Variants in TSEN2 observed in about 807,000 individuals in gnomAD.
TSEN2 encodes the protein tRNA-splicing endonuclease subunit Sen2.
In TSEN2, 54 loss-of-function variants were observed where a neutral mutation model predicts 59.2. The observed-to-expected ratio is 0.91, with a 90% CI of 0.73 to 1.14. The LOEUF (loss-of-function observed/expected upper bound fraction) is 1.14, where lower values mean the gene tolerates loss of function less well. Among genes scored for constraint, TSEN2 ranks in the 50% most tolerant of loss-of-function variants. TSEN2 has a pLI of 0.00. For synonymous variants in TSEN2, 195 were observed against 198.2 expected (o/e 0.98, Z 0.14); for missense variants, 636 against 576.2 (o/e 1.10, Z -1.06).
chr3:12,487,283 TG>T (rs1464961601), intron 1 of TSEN2, among the ~76,000 whole-genome samples: 2 of 152,234 alleles, frequency 1.3e-5, no homozygotes, highest in African/African-American at 4.8e-5. Context: ...ACTTGGATTA[TG>T]AGGGGTGTTT....
chr3:12,507,300 A>G (rs537337695), intron 6 of TSEN2, among the ~76,000 whole-genome samples: 1 of 152,352 alleles, frequency 6.6e-6, no homozygotes, highest in South Asian at 2.1e-4. Flanking sequence ...ACTGTATTGA[A>G]CAGCAGATGC....
At chr3:12,491,960 A>G (rs985161799) in intron 2 of TSEN2, among the ~76,000 whole-genome samples, 176 bp from the exon 3 acceptor site, 3 of 152,232 alleles carry the variant, frequency 2.0e-5, no homozygotes, top group African/African-American at 7.2e-5. Context: ...TACGTAGACT[A>G]TATATAAATA....
At chr3:12,502,849 G>A (rs532822579) in intron 4 of TSEN2, among the ~76,000 whole-genome samples, 16 of 152,020 alleles carry the variant, frequency 1.1e-4, no homozygotes, top group African/African-American at 2.7e-4. Context: ...CAAGGCGGGC[G>A]GATCGTGAGG....
Position 12,529,766 on chromosome 3 carries a change from T to C in TSEN2, c.1141T>C (p.Ser381Pro). ...TGCTTTTTCTGTATTTTCCAGTTAT[T>C]CTGTCATTATCGAGCTAGTTGATGA... ...KGPPFYHASY[S>P]VIIELVDDHF... Residue 381 changes from serine to proline, a missense_variant, in exon 10 of 12, where the codon TCT becomes CCT. Transcript: ENST00000284995. The C allele has an allele frequency of 1.2e-6, 2 of 1,613,910 alleles. No individual in the cohort carries two copies. Among genetic ancestry groups the C allele is most frequent in the Non-Finnish European group, 1.7e-6 (2 of 1,179,798 alleles).
At chr3:12,499,358 C>T (rs981473408) in intron 4 of TSEN2, among the ~76,000 whole-genome samples, 2 of 152,078 alleles carry the variant, frequency 1.3e-5, no homozygotes, top group East Asian at 1.9e-4. Context: ...GACCCAAGAG[C>T]GAGGAAAAGA....
At chr3:12,529,057 T>TA in intron 9 of TSEN2, 133 bp downstream of exon 9, 1 of 859,300 alleles carries the variant, frequency 1.2e-6, no homozygotes, top group Non-Finnish European at 2.0e-6. Flanking sequence ...ATGCTATATG[T>TA]TCATGCCTCC....
chr3:12,520,694 G>A (rs1035227872), intron 8 of TSEN2, among the ~76,000 whole-genome samples: 8 of 152,010 alleles, frequency 5.3e-5, no homozygotes, highest in African/African-American at 1.9e-4. Flanking sequence ...GGAGGCTGAG[G>A]CAGGAAAATT....
In TSEN2 at chr3:12,529,781, C is replaced by T; in HGVS notation, c.1156C>T (p.Leu386=). Residue 386 remains leucine, a synonymous_variant, in exon 10 of 12, where the codon CTA becomes TTA. Transcript: ENST00000284995. ...TTCCAGTTATTCTGTCATTATCGAGCTAGTTGATGACCATTTTGAAGGCTC... is the reference window on the plus strand; with the variant it reads ...TTCCAGTTATTCTGTCATTATCGAGTTAGTTGATGACCATTTTGAAGGCTC... ...YHASYSVIIE[L]VDDHFEGSLR... 3 of 1,614,042 alleles carry T rather than the reference C, an allele frequency of 1.9e-6. No individual in the cohort carries two copies. The highest frequency in any genetic ancestry group is 2.5e-6 in the Non-Finnish European group (3 of 1,179,972).
At chr3:12,507,469 G>A (rs545445775) in intron 6 of TSEN2, among the ~76,000 whole-genome samples, 4 of 152,338 alleles carry the variant, frequency 2.6e-5, no homozygotes, top group African/African-American at 7.2e-5. Flanking sequence ...ATGTAATTGG[G>A]TCAGGACAGT....
rs549231861 is a variant in TSEN2 at position 12,500,200 on chromosome 3, T to C, written c.309-3062T>C. 4.6e-5 allele frequency among the ~76,000 whole-genome samples: 7 copies of C among 152,336 alleles called. No homozygotes were observed. The East Asian group carries it at 1.3e-3, about 29-fold the overall frequency. On this transcript the variant is annotated intron_variant, in intron 4 of 11. Coordinates refer to ENST00000284995, the MANE Select transcript of TSEN2 (RefSeq NM_025265.4). Reference sequence around the variant, plus strand: ...CTCTTCCTGCAACTGCTCCAGCATCTGGGATTGATGGCAACAGGACTTGGC... The same window carrying C: ...CTCTTCCTGCAACTGCTCCAGCATCCGGGATTGATGGCAACAGGACTTGGC...
intron 6 of TSEN2, among the ~76,000 whole-genome samples, chr3:12,507,068 C>G (rs2054915966): frequency 6.6e-6 from 1 of 152,158 alleles, no homozygotes; most frequent in Admixed American, 6.5e-5. Flanking sequence ...TGTCACACAC[C>G]TGTAATCCCA....
At chr3:12,529,070 A>G in intron 9 of TSEN2, 146 bp downstream of exon 9, 1 of 791,808 alleles carries the variant, frequency 1.3e-6, no homozygotes, top group Non-Finnish European at 2.2e-6. Context: ...ATGCCTCCTT[A>G]CACACTAATG....
At chr3:12,524,147 G>A (rs1472718877) in intron 8 of TSEN2, among the ~76,000 whole-genome samples, 4 of 151,904 alleles carry the variant, frequency 2.6e-5, no homozygotes, top group African/African-American at 9.7e-5. Context: ...TGCCCAAGCT[G>A]GGCTCAAACT....
chr3:12,492,070 A>T, intron 2 of TSEN2, 66 bp from the exon 3 acceptor site: 1 of 1,384,154 alleles, frequency 7.2e-7, no homozygotes, highest in Non-Finnish European at 1.0e-6. Flanking sequence ...ATTACTGTAT[A>T]TTCTACCTCA....
chr3:12,530,846 C>T (rs954767788), intron 10 of TSEN2: 22 of 768,206 alleles, frequency 2.9e-5, no homozygotes, highest in Non-Finnish European at 3.5e-5. Context: ...TTCTTCTCAT[C>T]ATTTCAAGAA....
Position 12,492,217 on chromosome 3 carries a change from G to A in TSEN2, c.271G>A (p.Asp91Asn). 6.2e-7 allele frequency: 1 copy of A among 1,612,570 alleles called. No individual in the cohort carries two copies. ...SDPKLVAKWK[D>N]MKTNMPIITS... ...TCCTAAACTGGTTGCTAAATGGAAA[G>A]GTAAAGTTGTTGTATCATTCAGTTC... Residue 91 changes from aspartate (D) to asparagine (N), a missense_variant and splice_region_variant, in exon 3 of 12, where the codon GAT becomes AAT. By Grantham distance (23) the Asp-to-Asn change is conservative. Transcript: ENST00000284995.
intron 1 of TSEN2, among the ~76,000 whole-genome samples, chr3:12,489,091 CAG>C (rs548602800): frequency 2.7e-5 from 4 of 149,020 alleles, no homozygotes; most frequent in Non-Finnish European, 5.9e-5. Flanking sequence ...AACTAAATCA[CAG>C]AGAGAGTCAG....
downstream of TSEN2, among the ~76,000 whole-genome samples, chr3:12,534,950 G>A (rs1027573135): frequency 5.3e-5 from 8 of 152,050 alleles, no homozygotes; most frequent in African/African-American, 1.9e-4. Flanking sequence ...CAGCCTGGGG[G>A]CAGAGTGAGA....
rs758302858 is a variant in TSEN2 at position 12,492,235 on chromosome 3, T to C, written c.271+18T>C. On this transcript the variant is annotated intron_variant, in intron 3 of 11. Coordinates refer to ENST00000284995, the MANE Select transcript of TSEN2 (RefSeq NM_025265.4). Reference sequence around the variant, plus strand: ...ATGGAAAGGTAAAGTTGTTGTATCATTCAGTTCTTTTGACAAATTAATCAT... The same window carrying C: ...ATGGAAAGGTAAAGTTGTTGTATCACTCAGTTCTTTTGACAAATTAATCAT... 6.3e-7 allele frequency: 1 copy of C among 1,590,488 alleles called. No homozygotes were observed. The highest frequency in any genetic ancestry group is 1.1e-5 in the South Asian group (1 of 90,604).
Sources: allele counts gnomAD v4.1 joint callset (sites outside exome capture counted in the v4.1 genomes callset), GRCh38; gene constraint gnomAD v4.1.1; transcripts MANE v1.5; gene names NCBI Gene and HGNC (gene_info 2026-07-23, HGNC 2026-07-21).